Variants in AFF3 observed in about 807,000 individuals in gnomAD.
AFF3 encodes ALF transcription elongation factor 3, also known as AF4/FMR2 family member 3.
A neutral mutation model predicts 129.7 loss-of-function variants in AFF3; 32 were observed. The observed-to-expected ratio is 0.25, with a 90% confidence interval of 0.19 to 0.33. AFF3 has a LOEUF of 0.33. AFF3 is among the 10% of genes least tolerant of loss of function. The pLI is 1.00. For synonymous variants in AFF3, 644 were observed against 635.4 expected, an observed-to-expected ratio of 1.01 and a Z score of -0.20; for missense variants, 1,373 against 1,592.0, an observed-to-expected ratio of 0.86 and a Z score of 2.34.
At chr2:99,589,397 A>ATTT (rs55888825) in intron 15 of AFF3, among the ~76,000 whole-genome samples, 16,454 of 102,956 alleles carry the variant, frequency 0.16, 1,909 homozygotes, top group South Asian at 0.21. Context: ...AGATGTCAAC[A>ATTT]TTTTTTTTTT....
chr2:100,083,963 G>A (rs1190796711), intron 4 of AFF3, among the ~76,000 whole-genome samples: 1 of 152,130 alleles, frequency 6.6e-6, no homozygotes, highest in Non-Finnish European at 1.5e-5. Flanking sequence ...CCCAGTGAAA[G>A]CCACAAAGTT....
chr2:99,858,521 A>T (rs1379161794), intron 7 of AFF3, among the ~76,000 whole-genome samples: 1 of 152,148 alleles, frequency 6.6e-6, no homozygotes, highest in Non-Finnish European at 1.5e-5. Context: ...ACTGCACTCC[A>T]GCCCAGGCAA....
chr2:100,011,239 A>C (rs1435077631), intron 4 of AFF3, among the ~76,000 whole-genome samples: 1 of 152,090 alleles, frequency 6.6e-6, no homozygotes, highest in Non-Finnish European at 1.5e-5. Flanking sequence ...GCGCCACTGC[A>C]CTCCAGCCTG....
chr2:99,609,885 GA>G (rs1464502316), intron 13 of AFF3, among the ~76,000 whole-genome samples: 1 of 152,290 alleles, frequency 6.6e-6, no homozygotes, highest in East Asian at 1.9e-4. Flanking sequence ...TATACATCTA[GA>G]TGGCCTGAGG....
chr2:100,050,912 G>A (rs757962692), intron 4 of AFF3, among the ~76,000 whole-genome samples: 1 of 152,114 alleles, frequency 6.6e-6, no homozygotes, highest in African/African-American at 2.4e-5. Flanking sequence ...GAACAGTCCC[G>A]CGGAAAGAAG....
At chr2:99,684,499 C>T (rs745827302) in intron 11 of AFF3, among the ~76,000 whole-genome samples, 40 of 151,988 alleles carry the variant, frequency 2.6e-4, no homozygotes, top group African/African-American at 1.9e-4. Context: ...ATCGTATAAA[C>T]GTGAAGAGGA....
chr2:99,631,802 T>G (rs572595307), intron 13 of AFF3, among the ~76,000 whole-genome samples: 1 of 152,322 alleles, frequency 6.6e-6, no homozygotes, highest in East Asian at 1.9e-4. Flanking sequence ...TGAATAATGC[T>G]GCTGTGGACA....
chr2:99,827,559 A>ATGAAAG (rs1054892436), intron 8 of AFF3, among the ~76,000 whole-genome samples: 6 of 151,974 alleles, frequency 3.9e-5, no homozygotes, highest in African/African-American at 1.5e-4. Context: ...TGAAGGGGAA[A>ATGAAAG]TGAAAGTGAA....
intron 1 of AFF3, among the ~76,000 whole-genome samples, chr2:100,135,995 T>A (rs1692626196): frequency 6.6e-6 from 1 of 152,174 alleles, no homozygotes; most frequent in African/African-American, 2.4e-5. Context: ...GAAGGATGGC[T>A]TCAAGGTCCT....
At chr2:100,055,474 A>AAAAAG (rs957451039) in intron 4 of AFF3, among the ~76,000 whole-genome samples, 3 of 151,548 alleles carry the variant, frequency 2.0e-5, no homozygotes, top group Non-Finnish European at 2.9e-5. Context: ...AAAAAAAAAA[A>AAAAAG]AAAAGAAAAG....
intron 11 of AFF3, among the ~76,000 whole-genome samples, chr2:99,677,173 G>A (rs1674030380): frequency 6.6e-6 from 1 of 150,706 alleles, no homozygotes; most frequent in African/African-American, 2.4e-5. Context: ...GGGAGGCTGA[G>A]GTAGGAGGAT....
chr2:100,058,214 G>T (rs1055966368), intron 4 of AFF3, among the ~76,000 whole-genome samples: 3 of 152,154 alleles, frequency 2.0e-5, no homozygotes, highest in Non-Finnish European at 4.4e-5. Flanking sequence ...AATTTTGCTG[G>T]AAATTGAGGC....
intron 8 of AFF3, among the ~76,000 whole-genome samples, chr2:99,763,964 C>T (rs531056399): frequency 6.8e-4 from 103 of 152,322 alleles, no homozygotes; most frequent in African/African-American, 2.4e-3. Flanking sequence ...AGCTTCTGAA[C>T]TCTGCCCCTG....
chr2:99,871,686 G>A (rs962838448), intron 7 of AFF3, among the ~76,000 whole-genome samples: 1 of 152,134 alleles, frequency 6.6e-6, no homozygotes, highest in African/African-American at 2.4e-5. Context: ...TAAAAACTCT[G>A]TCACATTAAA....
intron 7 of AFF3, among the ~76,000 whole-genome samples, chr2:99,961,758 GC>G (rs902670993): frequency 6.6e-5 from 10 of 152,148 alleles, no homozygotes; most frequent in Non-Finnish European, 1.3e-4. Context: ...ATAGAAGAAG[GC>G]AACCCGGACC....
intron 7 of AFF3, among the ~76,000 whole-genome samples, chr2:99,919,254 T>C (rs1458655901): frequency 1.3e-5 from 2 of 152,202 alleles, no homozygotes; most frequent in Non-Finnish European, 2.9e-5. Context: ...ATTACCATAT[T>C]TCCCACATCA....
chr2:100,081,700 T>C (rs974326023), intron 4 of AFF3, among the ~76,000 whole-genome samples: 3 of 152,306 alleles, frequency 2.0e-5, no homozygotes, highest in Admixed American at 6.5e-5. Flanking sequence ...CACAGAATCA[T>C]TGGGGGAAAA....
chr2:99,940,192 T>C (rs1674898866), intron 7 of AFF3, among the ~76,000 whole-genome samples: 1 of 152,200 alleles, frequency 6.6e-6, no homozygotes, highest in African/African-American at 2.4e-5. Flanking sequence ...CTTAATCTGC[T>C]AGATGGGCTT....
At chr2:100,052,367 C>T (rs776695102) in intron 4 of AFF3, among the ~76,000 whole-genome samples, 18 of 152,274 alleles carry the variant, frequency 1.2e-4, no homozygotes, top group Middle Eastern at 3.4e-3. Flanking sequence ...TCTTCTACCT[C>T]GTCCCCCATG....
Sources: allele counts gnomAD v4.1 joint callset (sites outside exome capture counted in the v4.1 genomes callset), GRCh38; gene constraint gnomAD v4.1.1; transcripts MANE v1.5; gene names NCBI Gene and HGNC (gene_info 2026-07-23, HGNC 2026-07-21).